NYAP2: variants seen among roughly 807,000 people sequenced by gnomAD.
NYAP2 encodes neuronal tyrosine-phosphorylated phosphoinositide-3-kinase adapter 2.
A neutral mutation model predicts 50.4 loss-of-function variants in NYAP2; 23 were observed. That is an observed-to-expected ratio of 0.46 (90% confidence interval 0.33 to 0.65). The LOEUF (loss-of-function observed/expected upper bound fraction) is 0.65. Among genes scored for constraint, NYAP2 ranks in the 30% least tolerant of loss-of-function variants. NYAP2 has a pLI of 0.02. For synonymous variants in NYAP2, 394 were observed against 365.2 expected, an observed-to-expected ratio of 1.08 and a Z score of -0.90; for missense variants, 885 against 861.0, an observed-to-expected ratio of 1.03 and a Z score of -0.35.
chr2:225,587,250 A>G (rs1330878124), intron 5 of NYAP2, among the ~76,000 whole-genome samples: 1 of 152,224 alleles, frequency 6.6e-6, no homozygotes, highest in African/African-American at 2.4e-5. Flanking sequence ...GCAAATGTAC[A>G]TTTCTATGAA....
intron 4 of NYAP2, among the ~76,000 whole-genome samples, chr2:225,541,536 A>G (rs1691473211): frequency 6.6e-6 from 1 of 152,108 alleles, no homozygotes; most frequent in Non-Finnish European, 1.5e-5. Flanking sequence ...AGCACCTTTT[A>G]TTGAAGAGAC....
At chr2:225,571,303 G>A (rs764547004) in intron 4 of NYAP2, among the ~76,000 whole-genome samples, 3 of 152,262 alleles carry the variant, frequency 2.0e-5, no homozygotes, top group Non-Finnish European at 4.4e-5. Flanking sequence ...CCATTAGGAA[G>A]TGCCACAGTG....
intron 5 of NYAP2, among the ~76,000 whole-genome samples, chr2:225,622,715 G>GTAA (rs1488323267): frequency 6.6e-6 from 1 of 151,672 alleles, no homozygotes; most frequent in East Asian, 1.9e-4. Flanking sequence ...AAGTAGCTGG[G>GTAA]ATTACAGACA....
At chr2:225,644,641 G>A (rs1236953060) in intron 6 of NYAP2, among the ~76,000 whole-genome samples, 2 of 147,376 alleles carry the variant, frequency 1.4e-5, no homozygotes, top group East Asian at 2.0e-4. Context: ...AAGGGATCCA[G>A]TTTCAGCTTT....
At chr2:225,516,538 C>T (rs192891385) in intron 4 of NYAP2, among the ~76,000 whole-genome samples, 206 of 148,982 alleles carry the variant, frequency 1.4e-3, no homozygotes, top group African/African-American at 4.8e-3. Context: ...TTTACTTTCC[C>T]TTTTTTTTTT....
intron 3 of NYAP2, among the ~76,000 whole-genome samples, chr2:225,492,118 A>G (rs2106171598): frequency 6.6e-6 from 1 of 152,306 alleles, no homozygotes; most frequent in Non-Finnish European, 1.5e-5. Context: ...TGGCTGCTCC[A>G]TAGCCCATGT....
intron 5 of NYAP2, among the ~76,000 whole-genome samples, chr2:225,601,419 G>A (rs1041083709): frequency 1.3e-4 from 20 of 152,084 alleles, no homozygotes; most frequent in African/African-American, 1.7e-4. Context: ...GATTACGGGC[G>A]TGGACCACCA....
intron 3 of NYAP2, among the ~76,000 whole-genome samples, chr2:225,479,797 C>T (rs1690175847): frequency 6.6e-6 from 1 of 152,068 alleles, no homozygotes; most frequent in Admixed American, 6.6e-5. Flanking sequence ...ATAGGAAAAA[C>T]ATCTAAATTT....
the NYAP2 span, among the ~76,000 whole-genome samples, chr2:225,679,444 G>A: frequency 6.7e-6 from 1 of 149,976 alleles, no homozygotes; most frequent in African/African-American, 2.5e-5. Flanking sequence ...TTTAAATATT[G>A]CAAACATGTT....
At chr2:225,572,802 T>G (rs1692097884) in intron 4 of NYAP2, among the ~76,000 whole-genome samples, 1 of 152,212 alleles carries the variant, frequency 6.6e-6, no homozygotes, top group Non-Finnish European at 1.5e-5. Flanking sequence ...AACAGAGATC[T>G]GACAGAGGAC....
chr2:225,695,771 C>T, the NYAP2 span, among the ~76,000 whole-genome samples: 1 of 151,880 alleles, frequency 6.6e-6, no homozygotes, highest in Admixed American at 6.6e-5. Context: ...TTGACAGTCT[C>T]CTGTTGGAAC....
chr2:225,516,250 G>C (rs1223837840), intron 4 of NYAP2, among the ~76,000 whole-genome samples: 2 of 152,148 alleles, frequency 1.3e-5, no homozygotes, highest in Non-Finnish European at 2.9e-5. Context: ...TCTAAGGATA[G>C]TGGGCTCCCA....
chr2:225,685,181 T>C, the NYAP2 span, among the ~76,000 whole-genome samples: 6 of 152,202 alleles, frequency 3.9e-5, no homozygotes, highest in Non-Finnish European at 7.3e-5. Flanking sequence ...ATTAGTATGT[T>C]TTCCTTGCCT....
intron 3 of NYAP2, among the ~76,000 whole-genome samples, chr2:225,447,269 T>A (rs1210231500): frequency 6.6e-6 from 1 of 152,230 alleles, no homozygotes; most frequent in Non-Finnish European, 1.5e-5. Flanking sequence ...CATTGTTCTT[T>A]GATTCTTATA....
chr2:225,522,189 A>C (rs888939281), intron 4 of NYAP2, among the ~76,000 whole-genome samples: 1 of 151,568 alleles, frequency 6.6e-6, no homozygotes, highest in East Asian at 1.9e-4. Flanking sequence ...GTCTTGCTTT[A>C]TTAACCTTTA....
intron 3 of NYAP2, among the ~76,000 whole-genome samples, chr2:225,430,829 A>G (rs942161749): frequency 2.6e-5 from 4 of 152,250 alleles, no homozygotes; most frequent in Admixed American, 2.0e-4. Context: ...GAGGTAATGC[A>G]TAAGTTAATT....
intron 3 of NYAP2, among the ~76,000 whole-genome samples, chr2:225,430,868 A>G (rs1374313414): frequency 1.3e-5 from 2 of 152,250 alleles, no homozygotes; most frequent in African/African-American, 4.8e-5. Context: ...CACAGTGTAT[A>G]TAGACTTCAA....
chr2:225,639,934 A>G, intron 6 of NYAP2, among the ~76,000 whole-genome samples: 1 of 152,288 alleles, frequency 6.6e-6, no homozygotes, highest in South Asian at 2.1e-4. Context: ...GAACTCTGTG[A>G]CGCCATGACC....
At chr2:225,695,462 G>GATTTT in the NYAP2 span, among the ~76,000 whole-genome samples, 2 of 151,608 alleles carry the variant, frequency 1.3e-5, no homozygotes, top group African/African-American at 4.8e-5. Context: ...AGATTATCTG[G>GATTTT]ATTTTATTTT....
Sources: gnomAD v4.1 joint callset for allele counts (sites outside exome capture counted in the v4.1 genomes callset) on GRCh38, gnomAD v4.1.1 for gene constraint, MANE v1.5 for transcripts, NCBI Gene and HGNC (gene_info 2026-07-23, HGNC 2026-07-21) for gene names.